Variants in OGFR observed in about 807,000 individuals in gnomAD.
OGFR encodes the protein protein 7-60.
OGFR carries 18 observed loss-of-function variants against 33.6 expected under a neutral mutation model. The observed-to-expected ratio is 0.54, with a 90% CI of 0.37 to 0.80. The LOEUF (loss-of-function observed/expected upper bound fraction) is 0.80. OGFR is among the 30% of genes least tolerant of loss of function. The pLI is 0.00. For missense variants in OGFR, 877 were observed against 955.8 expected, an observed-to-expected ratio of 0.92 and a Z score of 1.09; for synonymous variants, 370 against 400.7, an observed-to-expected ratio of 0.92 and a Z score of 0.91.
At chr20:62,807,483 G>C (rs1320304457) in intron 1 of OGFR, 54 bp from the exon 2 acceptor site, 1 of 1,545,810 alleles carries the variant, frequency 6.5e-7, no homozygotes, top group Non-Finnish European at 8.9e-7. Flanking sequence ...ACCACGTTGG[G>C]ACTCACTTGG....
rs368782178 is a variant in OGFR at position 62,813,557 on chromosome 20, G to C, written c.1942G>C (p.Gly648Arg). 1.9e-6 allele frequency: 3 copies of C among 1,610,456 alleles called. No homozygotes were observed. The highest frequency in any genetic ancestry group is 2.5e-6 in the Non-Finnish European group (3 of 1,178,766). Reference protein sequence around the residue: ...PSETPGPSPAGPTRDEPAKAG... With the variant: ...PSETPGPSPARPTRDEPAKAG... ...GGAGACCCCAGGCCCCAGCCCGGCA[G>C]GACCTACAAGGGATGAGCCAGCCAA... Residue 648 changes from glycine to arginine, a missense_variant, in exon 7 of 7, where the codon GGA (glycine) becomes CGA (arginine). Coordinates refer to ENST00000290291, the MANE Select transcript of OGFR (RefSeq NM_007346.4).
chr20:62,809,935 G>A (rs1423150901), intron 4 of OGFR, among the ~76,000 whole-genome samples: 1 of 152,250 alleles, frequency 6.6e-6, no homozygotes, highest in Non-Finnish European at 1.5e-5. Flanking sequence ...AGAGGGGGCA[G>A]GCACTGCCTG....
rs1462407143 is a variant in OGFR, at chr20:62,804,985, C to G, written c.126C>G (p.Asp42Glu). Residue 42 changes from aspartate (D) to glutamate (E), a missense_variant, in exon 1 of 7, where the codon GAC becomes GAG. Asp to Glu is a conservative substitution (Grantham distance 45). Coordinates refer to ENST00000290291, the MANE Select transcript of OGFR (RefSeq NM_007346.4). ...GARDADAGDE[D>E]EESEEPRAAR... ...GGGACGCGGACGCAGGGGACGAGGA[C>G]GAGGAGTCGGAGGAGCCGCGGGCGG... 6 of 1,481,278 alleles carry G rather than the reference C, an allele frequency of 4.1e-6. No individual in the cohort carries two copies. The highest frequency in any genetic ancestry group is 5.4e-6 in the Non-Finnish European group (6 of 1,117,646). The allele number at this position is 1,481,278 out of a possible 1,614,324, so 91.8% of individuals were successfully genotyped here.
Position 62,813,922 on chromosome 20 carries a change from TG to T in OGFR, c.*279del. The stretch of plus-strand genomic sequence containing the variant: ...TCTTTGTAAATTGACCCTTCTGGAG[TG>T]GGGGGCGGCGGGCAGGGCTGCTTTT... On this transcript the variant is annotated 3_prime_UTR_variant, in exon 7 of 7. Transcript: ENST00000290291. The T allele has an allele frequency of 3.6e-6, 2 of 557,062 alleles. No homozygotes were observed. Among genetic ancestry groups the T allele is most frequent in the Non-Finnish European group, 3.2e-6 (1 of 313,998 alleles). The allele number at this position is 557,062 out of a possible 1,614,324, so 34.5% of individuals were successfully genotyped here.
chr20:62,805,673 G>C (rs1020638042), intron 1 of OGFR: 5 of 152,330 alleles, frequency 3.3e-5, no homozygotes, highest in African/African-American at 1.2e-4. Flanking sequence ...GAAGTGCATG[G>C]AACTCGACGG....
chr20:62,809,052 T>C (rs1468772779), intron 3 of OGFR, among the ~76,000 whole-genome samples: 1 of 149,544 alleles, frequency 6.7e-6, no homozygotes, highest in Admixed American at 6.6e-5. Context: ...AATTTCAGTG[T>C]CAATAAAGCT....
Position 62,813,090 on chromosome 20 carries a change from A to G in OGFR, c.1475A>G (p.Lys492Arg), listed in dbSNP as rs138612368. Residue 492 changes from lysine (K) to arginine (R), a missense_variant, in exon 7 of 7, where the codon AAG becomes AGG. Lys to Arg is a conservative substitution (Grantham distance 26). Coordinates refer to ENST00000290291, the MANE Select transcript of OGFR (RefSeq NM_007346.4). ...TCCCCTGCCCCATCGGGGCACCCCA[A>G]GGCTGGACACAGTGAGAACGGGGTT... ...AGSPAPSGHP[K>R]AGHSENGVEE... The G allele has an allele frequency of 4.9e-4, 768 of 1,579,444 alleles. 20 individuals are homozygous for G. The East Asian group carries it at 0.018, about 36-fold the overall frequency.
At chr20:62,811,031 G>A (rs115183355) in intron 5 of OGFR, among the ~76,000 whole-genome samples, 2,205 of 152,304 alleles carry the variant, frequency 0.014, 62 homozygotes, top group African/African-American at 0.05. Flanking sequence ...GAGGAGAGAT[G>A]GAGGCATGAG....
intron 3 of OGFR, 95 bp downstream of exon 3, chr20:62,808,420 C>T (rs1288395026): frequency 1.1e-6 from 1 of 895,600 alleles, no homozygotes; most frequent in Non-Finnish European, 1.8e-6. Context: ...CCGGCGATTA[C>T]CAGGGCCACG....
At chr20:62,810,622 C>T (rs751189847) in intron 5 of OGFR, 57 bp downstream of exon 5, 33 of 1,546,340 alleles carry the variant, frequency 2.1e-5, no homozygotes, top group Non-Finnish European at 2.5e-5. Flanking sequence ...GGGCAAGCCA[C>T]GCCGCTGCAG....
In OGFR at chr20:62,813,286, C is replaced by T. The variant is rs1990786398; in HGVS notation, c.1671C>T (p.Ser557=). 6 of 1,456,876 alleles carry T rather than the reference C, an allele frequency of 4.1e-6. No individual in the cohort carries two copies. The highest frequency in any genetic ancestry group is 5.5e-6 in the Non-Finnish European group (6 of 1,092,468). 90.2% of individuals were successfully genotyped at this position (1,456,876 alleles called of 1,614,324 possible). Residue 557 remains serine (S), a synonymous_variant, in exon 7 of 7, where the codon AGC becomes AGT. Transcript: ENST00000290291. ...CTGCAGGGGACGAGCCAGCCGAGAG[C>T]CCATCGGAGACCCCAGGCCCCCGCC... is the stretch of plus-strand genomic sequence containing the variant. ...AGPAGDEPAE[S]PSETPGPRPA...
chr20:62,813,304 C>A lies in OGFR; in HGVS notation c.1689C>A (p.Gly563=), dbSNP rs551254702. The change falls in exon 7 of 7, where the codon GGC becomes GGA. Residue 563 remains glycine, a synonymous_variant. Transcript: ENST00000290291. ...EPAESPSETP[G]PRPAGPAGDE... ...CCGAGAGCCCATCGGAGACCCCAGG[C>A]CCCCGCCCGGCAGGACCTGCAGGGG... 8.9e-4 allele frequency: 1,033 copies of A among 1,162,196 alleles called. 17 individuals are homozygous for A. Among genetic ancestry groups the A allele is most frequent in the Middle Eastern group, 1.2e-3 (4 of 3,442 alleles). The allele number at this position is 1,162,196 out of a possible 1,614,324, so 72.0% of individuals were successfully genotyped here. A position where few individuals can be genotyped will look rare whatever the true frequency, so the allele number is the denominator to read the frequency against.
intron 1 of OGFR, chr20:62,805,691 T>C (rs1990575905): frequency 6.6e-6 from 1 of 152,310 alleles, no homozygotes; most frequent in African/African-American, 2.4e-5. Context: ...CGGCTCCGCA[T>C]GGATTCTCCC....
intron 3 of OGFR, among the ~76,000 whole-genome samples, chr20:62,808,993 AAAAAAAAAAAG>A: frequency 6.6e-6 from 1 of 151,538 alleles, no homozygotes; most frequent in Non-Finnish European, 1.5e-5. Context: ...AAAAAAAAAA[AAAAAAAAAAAG>A]AACAGTGTTC....
At chr20:62,810,689 G>A in intron 5 of OGFR, 124 bp downstream of exon 5, 1 of 825,016 alleles carries the variant, frequency 1.2e-6, no homozygotes, top group Non-Finnish European at 2.0e-6. Flanking sequence ...TCCCTTGGAA[G>A]GCAGAAGGGC....
chr20:62,810,413 A>T, intron 4 of OGFR, 86 bp from the exon 5 acceptor site: 1 of 1,354,766 alleles, frequency 7.4e-7, no homozygotes. Flanking sequence ...GGGGATTGGA[A>T]CTGCCCCGGG....
In OGFR at chr20:62,812,424, T is replaced by C. The variant is rs865879072; in HGVS notation, c.809T>C (p.Leu270Pro). 1.9e-6 allele frequency: 3 copies of C among 1,583,608 alleles called. No homozygotes were observed. The highest frequency in any genetic ancestry group is 2.6e-6 in the Non-Finnish European group (3 of 1,165,616). ...CGCTGCCGACACCAGCGCCGCCAGCTGGTGCACTTCGCCTGGGAGCACTTC... is the reference window on the plus strand; with the variant it reads ...CGCTGCCGACACCAGCGCCGCCAGCCGGTGCACTTCGCCTGGGAGCACTTC... ...AVRCRHQRRQ[L>P]VHFAWEHFRP... The change falls in exon 7 of 7, where the codon CTG (leucine) becomes CCG (proline). Residue 270 changes from leucine to proline, a missense_variant. Physicochemically the swap from Leu to Pro is moderately conservative, Grantham distance 98. Coordinates refer to ENST00000290291, the MANE Select transcript of OGFR (RefSeq NM_007346.4).
Position 62,813,743 on chromosome 20 carries a change from T to TCGTGACC in OGFR, c.*103_*109dup, listed in dbSNP as rs762788174. 6 of 1,447,138 alleles carry TCGTGACC rather than the reference T, an allele frequency of 4.1e-6. No individual in the cohort carries two copies. Among genetic ancestry groups the TCGTGACC allele is most frequent in the East Asian group, 2.3e-5 (1 of 44,052 alleles). The allele number at this position is 1,447,138 out of a possible 1,614,324, so 89.6% of individuals were successfully genotyped here. ...CTGCGGGCTCCCCTCAGGCTCTGCT[T>TCGTGACC]CGTGACCCGTGACCCATGACCCACA... On this transcript the variant is annotated 3_prime_UTR_variant, in exon 7 of 7. Transcript: ENST00000290291.
rs574057701 is a variant in OGFR at position 62,813,457 on chromosome 20, A to G, written c.1842A>G (p.Pro614=). 281 of 1,424,930 alleles carry G rather than the reference A, an allele frequency of 2.0e-4. 4 individuals carry two copies. In the South Asian group the frequency reaches 3.4e-3, roughly 17 times the overall value. 88.3% of individuals were successfully genotyped at this position (1,424,930 alleles called of 1,614,324 possible). A position where few individuals can be genotyped will look rare whatever the true frequency, so the allele number is the denominator to read the frequency against. The change falls in exon 7 of 7, where the codon CCA becomes CCG. Residue 614 remains proline (P), a synonymous_variant. Transcript: ENST00000290291. The part of the protein sequence containing the change: ...PRPAGPAGDE[P]AESPSETPGP... ...CGGCAGGACCTGCAGGGGACGAGCC[A>G]GCCGAGAGCCCATCGGAGACCCCAG...
Sources: gnomAD v4.1 joint callset for allele counts (sites outside exome capture counted in the v4.1 genomes callset) on GRCh38, gnomAD v4.1.1 for gene constraint, MANE v1.5 for transcripts, NCBI Gene and HGNC (gene_info 2026-07-23, HGNC 2026-07-21) for gene names.